The following ITGB4 variants were observed in gnomAD, a reference collection of about 807,000 sequenced individuals.
ITGB4 encodes the protein integrin subunit beta 4.
In ITGB4, 159 loss-of-function variants were observed where a neutral mutation model predicts 207.6. The observed-to-expected ratio is 0.77, with a 90% CI of 0.67 to 0.87. The LOEUF is 0.87. Among genes scored for constraint, ITGB4 ranks in the 40% least tolerant of loss-of-function variants. The probability of loss-of-function intolerance (pLI) is 0.00; values close to 1 mark genes in which losing one functional copy is unlikely to be tolerated. For synonymous variants in ITGB4, 1,020 were observed against 1,062.7 expected (o/e 0.96, Z 0.78); for missense variants, 2,278 against 2,546.8 (o/e 0.89, Z 2.27).
chr17:75,723,748 G>A (rs2060662179), intron 1 of ITGB4, among the ~76,000 whole-genome samples: 1 of 152,378 alleles, frequency 6.6e-6, no homozygotes, highest in South Asian at 2.1e-4. Flanking sequence ...AATGGGGAGG[G>A]CCCGTGGGCA....
At position 75,752,366 on chromosome 17, in the gene ITGB4, G is replaced by T. The variant is rs886999126; in HGVS notation, c.3976+10G>T. On this transcript the variant is annotated intron_variant, in intron 31 of 39. Coordinates refer to ENST00000200181, the MANE Select transcript of ITGB4 (RefSeq NM_000213.5). ...AAGAGGCCCATGTCCAGTGAGTGGT[G>T]GGCAGGGAGGTGAGGGGCAGACCGG... 8.1e-6 allele frequency: 13 copies of T among 1,612,464 alleles called. No individual in the cohort carries two copies. The highest frequency in any genetic ancestry group is 1.7e-5 in the Admixed American group (1 of 59,994).
chr17:75,742,803 C>T lies in ITGB4; in HGVS notation c.2962+42C>T. On this transcript the variant is annotated intron_variant, in intron 25 of 39. Transcript: ENST00000200181. This position sits in a 1 kb window ranked among gnomAD's most constrained non-coding sequence, Gnocchi z 5.9. ...AGAGTGGGGAAGGCAGACGGGGGCT[C>T]GGGGGCACTGGTTCCTCCTGCTTAA... The T allele has an allele frequency of 2.6e-6, 4 of 1,562,818 alleles. No individual in the cohort carries two copies. The highest frequency in any genetic ancestry group is 2.3e-5 in the East Asian group (1 of 43,892).
At position 75,739,447 on chromosome 17, in the gene ITGB4, G is replaced by A. The variant is rs945186796; in HGVS notation, c.2221-225G>A. Among the ~76,000 whole-genome samples the A allele has an allele frequency of 7.9e-5, 12 of 152,116 alleles. No homozygotes were observed. Among genetic ancestry groups the A allele is most frequent in the African/African-American group, 2.7e-4 (11 of 41,420 alleles). Reference sequence around the variant, plus strand: ...ACCACAGAACCTTTACAGAGCACCCGGCAGGATGAGAGTTCCACGGCGCAA... The same window carrying A: ...ACCACAGAACCTTTACAGAGCACCCAGCAGGATGAGAGTTCCACGGCGCAA... On this transcript the variant is annotated intron_variant, in intron 18 of 39. Coordinates refer to ENST00000200181, the MANE Select transcript of ITGB4 (RefSeq NM_000213.5). The surrounding 1 kb of genome is among the most constrained non-coding windows in gnomAD (Gnocchi z 5.4).
rs1008177 is a variant in ITGB4 at position 75,755,909 on chromosome 17, T to A, written c.4708+59T>A. The A allele has an allele frequency of 0.48, 748,518 of 1,566,338 alleles. 185,689 individuals are homozygous for A. The highest frequency in any genetic ancestry group is 0.51 in the Non-Finnish European group (588,957 of 1,162,690). On this transcript the variant is annotated intron_variant, in intron 35 of 39. Coordinates refer to ENST00000200181, the MANE Select transcript of ITGB4 (RefSeq NM_000213.5). ...AGCCCTGCAAGGCCTGGCCCCAGTG[T>A]GACACATAGGGTACCTCAGCTGTGT...
At position 75,742,048 on chromosome 17, in the gene ITGB4, C is replaced by T. The variant is rs1418460232; in HGVS notation, c.2634-293C>T. 3.9e-5 allele frequency among the ~76,000 whole-genome samples: 6 copies of T among 152,236 alleles called. No individual in the cohort carries two copies. The highest frequency in any genetic ancestry group is 1.3e-4 in the Admixed American group (2 of 15,278). ...AGGGCTAGGGCCGCGGCAGCCTGGCCTGAGCACACACACCCTTAGCATCTT... is the reference window on the plus strand; with the variant it reads ...AGGGCTAGGGCCGCGGCAGCCTGGCTTGAGCACACACACCCTTAGCATCTT... On this transcript the variant is annotated intron_variant, in intron 23 of 39. Coordinates refer to ENST00000200181, the MANE Select transcript of ITGB4 (RefSeq NM_000213.5). The surrounding 1 kb of genome is among the most constrained non-coding windows in gnomAD (Gnocchi z 5.9).
chr17:75,727,136 G>A lies in ITGB4; in HGVS notation c.80-59G>A. On this transcript the variant is annotated intron_variant, in intron 2 of 39. Transcript: ENST00000200181. This position sits in a 1 kb window ranked among gnomAD's most constrained non-coding sequence, Gnocchi z 6.0. ...TCTCTCCAGGTGAAGGTGCAGGTGG[G>A]AAAGTGCTTGCCTTTGCTGAGCGCC... 7.1e-7 allele frequency: 1 copy of A among 1,410,698 alleles called. No homozygotes were observed. The highest frequency in any genetic ancestry group is 1.0e-6 in the Non-Finnish European group (1 of 1,001,200). 87.4% of individuals were successfully genotyped at this position (1,410,698 alleles called of 1,614,324 possible).
At chr17:75,728,544 A>G in intron 6 of ITGB4, 71 bp downstream of exon 6, 1 of 1,231,444 alleles carries the variant, frequency 8.1e-7, no homozygotes, top group Non-Finnish European at 1.2e-6. Flanking sequence ...TCTTTCACCC[A>G]CAACTTAAAA....
chr17:75,753,738 C>T, intron 32 of ITGB4, 27 bp from the exon 33 acceptor site: 2 of 1,378,102 alleles, frequency 1.5e-6, no homozygotes, highest in Non-Finnish European at 1.9e-6. Context: ...CCCGGCGGTG[C>T]CAACGCGGCC....
chr17:75,724,458 G>T (rs2060677151), intron 1 of ITGB4, among the ~76,000 whole-genome samples: 1 of 152,406 alleles, frequency 6.6e-6, no homozygotes, highest in East Asian at 1.9e-4. Context: ...CAGAGTCCTT[G>T]AGGGCTGGAG....
rs774558979 is a variant in ITGB4 at position 75,727,867 on chromosome 17, C to A, written c.469+12C>A. Reference sequence around the variant, plus strand: ...GGGGCAGAACCTGGGTACGGCAGGGCCAGAGTGGAGGACAGCAGGGCAGGA... The same window carrying A: ...GGGGCAGAACCTGGGTACGGCAGGGACAGAGTGGAGGACAGCAGGGCAGGA... On this transcript the variant is annotated intron_variant, in intron 5 of 39. Coordinates refer to ENST00000200181, the MANE Select transcript of ITGB4 (RefSeq NM_000213.5). This position sits in a 1 kb window ranked among gnomAD's most constrained non-coding sequence, Gnocchi z 6.0. 1 of 1,612,646 alleles carries A rather than the reference C, an allele frequency of 6.2e-7. No homozygotes were observed. Among genetic ancestry groups the A allele is most frequent in the Non-Finnish European group, 8.5e-7 (1 of 1,179,298 alleles).
At position 75,750,535 on chromosome 17, in the gene ITGB4, G is replaced by A. The variant is rs893337578; in HGVS notation, c.3475-145G>A. 1.0e-5 allele frequency: 9 copies of A among 857,384 alleles called. No individual in the cohort carries two copies. The African/African-American group carries it at 1.3e-4, about 13-fold the overall frequency. 53.1% of individuals were successfully genotyped at this position (857,384 alleles called of 1,614,324 possible). ...CCCCCACCTGCTCTGCCCTAGTCCT[G>A]ACGTGTGCACATGGCAGATCTCTCA... On this transcript the variant is annotated intron_variant, in intron 28 of 39. Transcript: ENST00000200181. The surrounding 1 kb of genome is among the most constrained non-coding windows in gnomAD (Gnocchi z 5.5).
At position 75,750,969 on chromosome 17, in the gene ITGB4, C is replaced by A; in HGVS notation, c.3656-5C>A. ...AGCACTCTTCCTGTATTCCCCGCTCCCTAGTGCCCAGCGAGCCAGGGCGTC... is the reference window on the plus strand; with the variant it reads ...AGCACTCTTCCTGTATTCCCCGCTCACTAGTGCCCAGCGAGCCAGGGCGTC... On this transcript the variant is annotated splice_region_variant and splice_polypyrimidine_tract_variant and intron_variant, in intron 29 of 39. Transcript: ENST00000200181. This position sits in a 1 kb window ranked among gnomAD's most constrained non-coding sequence, Gnocchi z 5.5. 1 of 1,613,744 alleles carries A rather than the reference C, an allele frequency of 6.2e-7. No individual in the cohort carries two copies. Among genetic ancestry groups the A allele is most frequent in the African/African-American group, 1.3e-5 (1 of 75,050 alleles).
rs543945383 is a variant in ITGB4, at chr17:75,753,869, G to C, written c.4213G>C (p.Gly1405Arg). The stretch of plus-strand genomic sequence containing the variant: ...CATCCCGCGCCTGTCGGCCAGCAGC[G>C]GGCGCTCCTCCGACGCCGAGGCGCC... ...ELIPRLSASS[G>R]RSSDAEAPHG... The change falls in exon 33 of 40, where the codon GGG becomes CGG. Residue 1405 changes from glycine to arginine, a missense_variant. Physicochemically the swap from Gly to Arg is moderately radical, Grantham distance 125. Coordinates refer to ENST00000200181, the MANE Select transcript of ITGB4 (RefSeq NM_000213.5). 14 of 1,358,880 alleles carry C rather than the reference G, an allele frequency of 1.0e-5. No individual in the cohort carries two copies. In the South Asian group the frequency reaches 2.5e-4, roughly 24 times the overall value. The allele number at this position is 1,358,880 out of a possible 1,614,324, so 84.2% of individuals were successfully genotyped here. A position where few individuals can be genotyped will look rare whatever the true frequency, so the allele number is the denominator to read the frequency against.
intron 12 of ITGB4, 65 bp from the exon 13 acceptor site, chr17:75,733,425 T>G (rs1395130095): frequency 3.1e-6 from 4 of 1,279,926 alleles, no homozygotes; most frequent in Non-Finnish European, 4.5e-6. Flanking sequence ...TTAAATTAAA[T>G]GGGACAGCAA....
In ITGB4 at chr17:75,751,118, A is replaced by C; in HGVS notation, c.3793+7A>C. ...CTGGTCAACGATGACAACCGTAAGA[A>C]CCAGATCCTTCTTTCCTGCCCACAG... On this transcript the variant is annotated splice_region_variant and intron_variant, in intron 30 of 39. Coordinates refer to ENST00000200181, the MANE Select transcript of ITGB4 (RefSeq NM_000213.5). 4 of 1,612,966 alleles carry C rather than the reference A, an allele frequency of 2.5e-6. No homozygotes were observed. The highest frequency in any genetic ancestry group is 3.4e-6 in the Non-Finnish European group (4 of 1,180,010).
At chr17:75,746,652 C>T (rs991668499) in intron 26 of ITGB4, among the ~76,000 whole-genome samples, 2 of 148,690 alleles carry the variant, frequency 1.3e-5, no homozygotes, top group East Asian at 4.3e-4. Flanking sequence ...TATAAAGATG[C>T]TTTGAGGCTG....
chr17:75,736,743 G>T, intron 16 of ITGB4, 49 bp downstream of exon 16: 1 of 1,562,800 alleles, frequency 6.4e-7, no homozygotes, highest in Middle Eastern at 1.7e-4. Flanking sequence ...TAGGCAGCGG[G>T]CATCCAACGG....
chr17:75,745,940 C>G (rs2061223526), intron 26 of ITGB4, among the ~76,000 whole-genome samples: 1 of 152,168 alleles, frequency 6.6e-6, no homozygotes, highest in Non-Finnish European at 1.5e-5. Flanking sequence ...GGCCCACAGG[C>G]CCATTCAGCA....
intron 26 of ITGB4, among the ~76,000 whole-genome samples, chr17:75,745,276 C>A (rs1472527461): frequency 6.6e-6 from 1 of 151,840 alleles, no homozygotes; most frequent in Non-Finnish European, 1.5e-5. Context: ...ACTTGTGGAC[C>A]CAGCTACTTG....
Sources: gnomAD v4.1 joint callset for allele counts (sites outside exome capture counted in the v4.1 genomes callset) on GRCh38, gnomAD v4.1.1 for gene constraint, Gnocchi (gnomAD v3.1) non-coding constraint, MANE v1.5 for transcripts, NCBI Gene and HGNC (gene_info 2026-07-23, HGNC 2026-07-21) for gene names.